Variants in LRRC4C observed in about 807,000 individuals in gnomAD.
LRRC4C encodes the protein leucine-rich repeat-containing protein 4C.
In LRRC4C, 5 loss-of-function variants were observed where a neutral mutation model predicts 33.6. That is an observed-to-expected ratio of 0.15 (90% CI 0.08 to 0.31). The LOEUF is 0.31. Among genes scored for constraint, LRRC4C ranks in the 10% least tolerant of loss-of-function variants. The probability of loss-of-function intolerance (pLI) is 1.00; values close to 1 mark genes in which losing one functional copy is unlikely to be tolerated. For missense variants in LRRC4C, 560 were observed against 796.7 expected, an observed-to-expected ratio of 0.70 and a Z score of 3.58; for synonymous variants, 329 against 302.0, an observed-to-expected ratio of 1.09 and a Z score of -0.93.
intron 1 of LRRC4C, among the ~76,000 whole-genome samples, chr11:41,087,213 C>T (rs1940064113): frequency 6.6e-6 from 1 of 152,046 alleles, no homozygotes; most frequent in African/African-American, 2.4e-5. Flanking sequence ...TTCCATTTTT[C>T]CCCATTCCTA....
rs568454048 is a variant in LRRC4C, at chr11:41,381,992, C to T, written c.-496+77439G>A. 1.1e-4 allele frequency among the ~76,000 whole-genome samples: 16 copies of T among 151,000 alleles called. No individual in the cohort carries two copies. In the South Asian group the frequency reaches 2.7e-3, roughly 26 times the overall value. On this transcript the variant is annotated intron_variant, in intron 1 of 6. Coordinates refer to ENST00000528697, the MANE Select transcript of LRRC4C (RefSeq NM_001258419.2). ...ATATTTATATCTGCTTATTTGACAG[C>T]AAAAACAAGAGAAATAGTAAAATGA...
intron 1 of LRRC4C, among the ~76,000 whole-genome samples, chr11:41,102,185 G>A (rs569647633): frequency 1.3e-5 from 2 of 151,920 alleles, no homozygotes; most frequent in East Asian, 1.9e-4. Context: ...CTTGCTTATG[G>A]AATGAAGAAG....
At chr11:41,414,919 G>A (rs901992168) in intron 1 of LRRC4C, among the ~76,000 whole-genome samples, 10 of 152,164 alleles carry the variant, frequency 6.6e-5, no homozygotes, top group Admixed American at 6.5e-4. Context: ...ACCAGCAAAT[G>A]CTGCTTGGGG....
chr11:40,553,291 C>T (rs1426364380), intron 3 of LRRC4C, among the ~76,000 whole-genome samples: 2 of 150,792 alleles, frequency 1.3e-5, no homozygotes, highest in Non-Finnish European at 3.0e-5. Context: ...CAAAAACAAA[C>T]AAAAAAAGTG....
chr11:41,165,492 T>C (rs1172891777), intron 1 of LRRC4C, among the ~76,000 whole-genome samples: 2 of 152,116 alleles, frequency 1.3e-5, no homozygotes, highest in South Asian at 4.1e-4. Context: ...TATTTAATCC[T>C]CATAAACTAT....
At chr11:40,364,106 C>T (rs1948094654) in intron 3 of LRRC4C, among the ~76,000 whole-genome samples, 1 of 151,832 alleles carries the variant, frequency 6.6e-6, no homozygotes, top group Non-Finnish European at 1.5e-5. Flanking sequence ...CAAACAAAGA[C>T]CAGAATGTTG....
rs1025317606 is a variant in LRRC4C at position 40,510,020 on chromosome 11, C to T, written c.-270+138122G>A. ...CTTTAGGTCAGGTAATTTACAAGTG[C>T]CATCTTCAGCTTCAAAAATAGTGCT... On this transcript the variant is annotated intron_variant, in intron 3 of 6. Transcript: ENST00000528697. 5.9e-5 allele frequency among the ~76,000 whole-genome samples: 9 copies of T among 151,982 alleles called. 1 individual carries two copies. The South Asian group carries it at 1.4e-3, about 24-fold the overall frequency.
At chr11:40,588,467 T>TCTC (rs1185707362) in intron 3 of LRRC4C, among the ~76,000 whole-genome samples, 2 of 151,786 alleles carry the variant, frequency 1.3e-5, no homozygotes, top group Non-Finnish European at 2.9e-5. Flanking sequence ...TTTTTGTGTC[T>TCTC]CTATTTCCTT....
chr11:41,101,211 T>C (rs1169491632), intron 1 of LRRC4C, among the ~76,000 whole-genome samples: 6 of 151,964 alleles, frequency 3.9e-5, no homozygotes, highest in African/African-American at 1.4e-4. Flanking sequence ...ACAGAGTAAA[T>C]AGGCCACCTA....
chr11:40,727,846 T>A (rs1465832230), intron 2 of LRRC4C, among the ~76,000 whole-genome samples: 1 of 151,908 alleles, frequency 6.6e-6, no homozygotes, highest in South Asian at 2.1e-4. Context: ...TTCAGGAGTT[T>A]GAGACCAGCC....
chr11:40,679,536 T>C (rs1308871823), intron 2 of LRRC4C, among the ~76,000 whole-genome samples: 2 of 152,190 alleles, frequency 1.3e-5, no homozygotes, highest in African/African-American at 2.4e-5. Flanking sequence ...ATCCCTCTGC[T>C]GTGTGCAGTC....
intron 1 of LRRC4C, among the ~76,000 whole-genome samples, chr11:41,161,408 A>G (rs1944465245): frequency 6.6e-6 from 1 of 152,166 alleles, no homozygotes; most frequent in Non-Finnish European, 1.5e-5. Context: ...ATCTTTACAC[A>G]TATGCTATGT....
rs1231455552 is a variant in LRRC4C, at chr11:40,498,966, G to C, written c.-270+149176C>G. ...GTTGAGATGATAGAAGATTAGAATT[G>C]TTCCTTTCCTCTCCCCATGTTACCA... On this transcript the variant is annotated intron_variant, in intron 3 of 6. Transcript: ENST00000528697. Among the ~76,000 whole-genome samples the C allele has an allele frequency of 2.0e-5, 3 of 152,142 alleles. No individual in the cohort carries two copies. The East Asian group carries it at 5.8e-4, about 29-fold the overall frequency.
intron 5 of LRRC4C, among the ~76,000 whole-genome samples, chr11:40,180,255 G>A (rs78251365): frequency 0.012 from 1,798 of 152,196 alleles, 29 homozygotes; most frequent in African/African-American, 0.04. Context: ...CTCATGTATC[G>A]TAACACAAAG....
chr11:40,789,637 A>T (rs1443950698), intron 2 of LRRC4C, among the ~76,000 whole-genome samples: 1 of 152,174 alleles, frequency 6.6e-6, no homozygotes, highest in Non-Finnish European at 1.5e-5. Context: ...ACTCAGACAA[A>T]CCTCATTTCT....
At chr11:40,156,104 A>G (rs1312165290) in intron 5 of LRRC4C, among the ~76,000 whole-genome samples, 1 of 152,190 alleles carries the variant, frequency 6.6e-6, no homozygotes, top group Non-Finnish European at 1.5e-5. Flanking sequence ...CAAAAATCAC[A>G]TGATCATCTC....
intron 2 of LRRC4C, among the ~76,000 whole-genome samples, 193 bp from the exon 3 acceptor site, chr11:40,648,471 T>C (rs967929415): frequency 2.6e-5 from 4 of 152,212 alleles, no homozygotes; most frequent in African/African-American, 9.7e-5. Flanking sequence ...TCAAATGTTA[T>C]GGTCATTTTG....
intron 2 of LRRC4C, among the ~76,000 whole-genome samples, chr11:40,910,958 T>C (rs1592065428): frequency 6.6e-6 from 1 of 152,152 alleles, no homozygotes; most frequent in East Asian, 1.9e-4. Context: ...GCTAGCACAG[T>C]AGTCTGAGAT....
intron 1 of LRRC4C, among the ~76,000 whole-genome samples, chr11:40,964,353 T>A (rs1851183542): frequency 6.6e-6 from 1 of 151,634 alleles, no homozygotes; most frequent in Non-Finnish European, 1.5e-5. Context: ...GAATTTGCTT[T>A]AAGGGTAGTT....
Sources: allele counts gnomAD v4.1 joint callset (sites outside exome capture counted in the v4.1 genomes callset), GRCh38; gene constraint gnomAD v4.1.1; transcripts MANE v1.5; gene names NCBI Gene and HGNC (gene_info 2026-07-23, HGNC 2026-07-21).